The following CYP19A1 variants were observed in gnomAD, a reference collection of about 807,000 sequenced individuals.
CYP19A1 encodes the protein cytochrome P450 family 19 subfamily A member 1, also known as aromatase.
Under a neutral mutation model 44.4 loss-of-function variants are expected in CYP19A1, and 32 were observed. The observed-to-expected ratio is 0.72, with a 90% CI of 0.54 to 0.97. The LOEUF (loss-of-function observed/expected upper bound fraction) is 0.97, where lower values mean the gene tolerates loss of function less well. Ranked by LOEUF, CYP19A1 falls within the 50% of genes least tolerant of loss-of-function variation. CYP19A1 has a pLI of 0.00. For missense variants in CYP19A1, 598 were observed against 637.8 expected (o/e 0.94, Z 0.67); for synonymous variants, 212 against 215.6 (o/e 0.98, Z 0.14).
chr15:51,285,110 C>T (rs1818598813), intron 1 of CYP19A1, among the ~76,000 whole-genome samples: 2 of 152,158 alleles, frequency 1.3e-5, no homozygotes, highest in Non-Finnish European at 2.9e-5. Context: ...TGCTGGAGCG[C>T]CAGGGTTTTA....
At chr15:51,255,587 G>A (rs1595726809) in intron 1 of CYP19A1, 1 of 152,204 alleles carries the variant, frequency 6.6e-6, no homozygotes, top group African/African-American at 2.4e-5. Context: ...ACTGTTGAAA[G>A]TCAGGAAGCC....
chr15:51,223,829 A>G (rs1010449756), intron 4 of CYP19A1, among the ~76,000 whole-genome samples: 4 of 152,066 alleles, frequency 2.6e-5, no homozygotes, highest in Admixed American at 6.6e-5. Context: ...GGTGACTGCC[A>G]CTTCAGCAAG....
chr15:51,267,984 T>C (rs1432119815), intron 1 of CYP19A1, among the ~76,000 whole-genome samples: 2 of 152,192 alleles, frequency 1.3e-5, no homozygotes, highest in Non-Finnish European at 2.9e-5. Context: ...TAGATAAATA[T>C]GAAAGCAAAG....
chr15:51,326,376 C>T (rs2036608771), intron 1 of CYP19A1, among the ~76,000 whole-genome samples: 1 of 152,136 alleles, frequency 6.6e-6, no homozygotes, highest in African/African-American at 2.4e-5. Flanking sequence ...AACTCCAGAA[C>T]AATGAAAATG....
At chr15:51,268,519 T>TCCC (rs34270729) in intron 1 of CYP19A1, among the ~76,000 whole-genome samples, 16 of 138,926 alleles carry the variant, frequency 1.2e-4, no homozygotes, top group Middle Eastern at 3.9e-3. Context: ...ATCGTTTCCT[T>TCCC]CCCCCCCCCC....
chr15:51,210,651 A>T lies in CYP19A1; in HGVS notation c.*157T>A, dbSNP rs1193645993. 1.3e-6 allele frequency: 1 copy of T among 757,836 alleles called. No homozygotes were observed. Among genetic ancestry groups the T allele is most frequent in the Admixed American group, 1.7e-5 (1 of 57,924 alleles). The allele number at this position is 757,836 out of a possible 1,614,324, so 46.9% of individuals were successfully genotyped here. On this transcript the variant is annotated 3_prime_UTR_variant, in exon 10 of 10. Coordinates refer to ENST00000396402, the MANE Select transcript of CYP19A1 (RefSeq NM_000103.4). ...GTGTGAACAGGAGCAGATGACAAAT[A>T]GCACCTAGCTTGGTGACAACCCATA...
intron 1 of CYP19A1, chr15:51,255,653 C>T (rs1361400091): frequency 6.6e-6 from 1 of 152,154 alleles, no homozygotes; most frequent in African/African-American, 2.4e-5. Flanking sequence ...GAGACAAAAT[C>T]CATGGCTTGC....
Position 51,294,999 on chromosome 15 carries a change from G to GAA in CYP19A1, c.-39+43494_-39+43495dup, listed in dbSNP as rs202195912. Among the ~76,000 whole-genome samples, 731 of 143,784 alleles carry GAA rather than the reference G, an allele frequency of 5.1e-3. 9 individuals carry two copies. The highest frequency in any genetic ancestry group is 0.017 in the African/African-American group (676 of 39,622). The allele number at this position is 143,784 out of a possible 152,430, so 94.3% of individuals were successfully genotyped here. On this transcript the variant is annotated intron_variant, in intron 1 of 9. Coordinates refer to ENST00000396402, the MANE Select transcript of CYP19A1 (RefSeq NM_000103.4). Reference sequence around the variant, plus strand: ...CTAAGAAAAATTCTTCTGCCTTGGGGAAAAAAAAAAAAAGAATGCCTGATA... The same window carrying GAA: ...CTAAGAAAAATTCTTCTGCCTTGGGGAAAAAAAAAAAAAAAGAATGCCTGATA...
At chr15:51,321,607 A>G (rs561389595) in intron 1 of CYP19A1, 1 of 152,348 alleles carries the variant, frequency 6.6e-6, no homozygotes, top group East Asian at 1.9e-4. Flanking sequence ...TCTGTCTTGT[A>G]GATGATTTTT....
Position 51,242,890 on chromosome 15 carries a change from G to T in CYP19A1, c.23C>A (p.Pro8Gln). Residue 8 changes from proline to glutamine, a missense_variant, in exon 2 of 10, where the codon CCG (proline) becomes CAG (glutamine). Coordinates refer to ENST00000396402, the MANE Select transcript of CYP19A1 (RefSeq NM_000103.4). ...GATGCTGGTGATGTTATAATGTATCGGGTTCAGCATTTCCAAAACCATCTT... is the reference window on the plus strand; with the variant it reads ...GATGCTGGTGATGTTATAATGTATCTGGTTCAGCATTTCCAAAACCATCTT... MVLEMLN[P>Q]IHYNITSIVP... The T allele has an allele frequency of 6.2e-7, 1 of 1,610,704 alleles. No homozygotes were observed. Among genetic ancestry groups the T allele is most frequent in the South Asian group, 1.1e-5 (1 of 91,002 alleles).
In CYP19A1 at chr15:51,242,794, T is replaced by C; in HGVS notation, c.119A>G (p.Asn40Ser). Residue 40 changes from asparagine to serine, a missense_variant, in exon 2 of 10, where the codon AAT (asparagine) becomes AGT (serine). Coordinates refer to ENST00000396402, the MANE Select transcript of CYP19A1 (RefSeq NM_000103.4). The part of the protein sequence containing the change: ...LLTGLFLLVW[N>S]YEGTSSIPGP... ...TGGTATTGAGGATGTGCCCTCATAA[T>C]TCCACACCAAGAGAAAAAGGCCAGT... is the stretch of plus-strand genomic sequence containing the variant. 1.3e-6 allele frequency: 2 copies of C among 1,579,432 alleles called. No individual in the cohort carries two copies. The highest frequency in any genetic ancestry group is 1.7e-6 in the Non-Finnish European group (2 of 1,148,388).
At chr15:51,292,144 G>A (rs760176252) in intron 1 of CYP19A1, among the ~76,000 whole-genome samples, 3 of 152,198 alleles carry the variant, frequency 2.0e-5, no homozygotes, top group Non-Finnish European at 4.4e-5. Flanking sequence ...GAAGGTGAAG[G>A]AACTCTCCTT....
At chr15:51,301,254 C>T (rs776448264) in intron 1 of CYP19A1, among the ~76,000 whole-genome samples, 4 of 152,260 alleles carry the variant, frequency 2.6e-5, no homozygotes, top group Non-Finnish European at 5.9e-5. Context: ...GTTGCCTCCT[C>T]TCTCTGATAC....
chr15:51,243,789 A>G (rs2033923295), intron 1 of CYP19A1, among the ~76,000 whole-genome samples: 1 of 152,194 alleles, frequency 6.6e-6, no homozygotes, highest in African/African-American at 2.4e-5. Flanking sequence ...AAGACAATCA[A>G]TTTACAGTCT....
Position 51,209,177 on chromosome 15 carries a change from T to A in CYP19A1, c.*1631A>T, listed in dbSNP as rs569324911. 1 of 152,310 alleles carries A rather than the reference T, an allele frequency of 6.6e-6. No homozygotes were observed. Among genetic ancestry groups the A allele is most frequent in the South Asian group, 2.1e-4 (1 of 4,818 alleles). 9.4% of individuals were successfully genotyped at this position (152,310 alleles called of 1,614,324 possible). ...TGATCCAAATAATTCCAAGCTCAAA[T>A]AAATGTTTTATTCTTTACTAATGTC... is the stretch of plus-strand genomic sequence containing the variant. On this transcript the variant is annotated 3_prime_UTR_variant, in exon 10 of 10. Coordinates refer to ENST00000396402, the MANE Select transcript of CYP19A1 (RefSeq NM_000103.4).
At chr15:51,284,209 C>T (rs1218336875) in intron 1 of CYP19A1, among the ~76,000 whole-genome samples, 1 of 152,178 alleles carries the variant, frequency 6.6e-6, no homozygotes, top group Non-Finnish European at 1.5e-5. Flanking sequence ...ACTAATCCTG[C>T]AGGAAAGGCT....
chr15:51,246,333 GGTC>G (rs2034053821), intron 1 of CYP19A1, among the ~76,000 whole-genome samples: 1 of 152,042 alleles, frequency 6.6e-6, no homozygotes, highest in Non-Finnish European at 1.5e-5. Flanking sequence ...CAAATGCCTG[GGTC>G]TCCACTGCCC....
intron 3 of CYP19A1, among the ~76,000 whole-genome samples, chr15:51,234,288 A>T (rs747443738): frequency 6.6e-6 from 1 of 151,980 alleles, no homozygotes; most frequent in African/African-American, 2.4e-5. Context: ...GAACACAAAG[A>T]CTCCAACAAG....
intron 1 of CYP19A1, chr15:51,279,763 G>C (rs1039864964): frequency 8.5e-5 from 13 of 152,192 alleles, no homozygotes; most frequent in Admixed American, 3.9e-4. Flanking sequence ...AAATAATAAT[G>C]TCTGGGTATA....
Sources: allele counts gnomAD v4.1 joint callset (sites outside exome capture counted in the v4.1 genomes callset), GRCh38; gene constraint gnomAD v4.1.1; transcripts MANE v1.5; gene names NCBI Gene and HGNC (gene_info 2026-07-23, HGNC 2026-07-21).